The following HP1BP3 variants were observed in gnomAD, a reference collection of about 807,000 sequenced individuals.
The protein encoded by HP1BP3 is heterochromatin protein 1 binding protein 3.
In HP1BP3, 12 loss-of-function variants were observed where a neutral mutation model predicts 62.5. The ratio of observed to expected loss-of-function variants is 0.19; its 90% CI spans 0.12 to 0.31. The LOEUF is 0.31. HP1BP3 is among the 10% of genes least tolerant of loss of function. The pLI is 1.00. For synonymous variants in HP1BP3, 260 were observed against 237.8 expected, an observed-to-expected ratio of 1.09 and a Z score of -0.86; for missense variants, 502 against 651.8, an observed-to-expected ratio of 0.77 and a Z score of 2.50.
chr1:20,768,017 A>G (rs576255923), intron 6 of HP1BP3, among the ~76,000 whole-genome samples: 1 of 125,174 alleles, frequency 8.0e-6, no homozygotes, highest in South Asian at 2.4e-4. Context: ...GAAGGGACAC[A>G]ATCTCTTAGG....
At chr1:20,745,460 A>T in intron 12 of HP1BP3, 83 bp downstream of exon 12, 1 of 1,469,324 alleles carries the variant, frequency 6.8e-7, no homozygotes, top group South Asian at 1.4e-5. Flanking sequence ...AATGCTTTTT[A>T]GCTTTAGCCC....
At chr1:20,762,939 C>T (rs964660795) in intron 8 of HP1BP3, among the ~76,000 whole-genome samples, 1 of 152,120 alleles carries the variant, frequency 6.6e-6, no homozygotes, top group Non-Finnish European at 1.5e-5. Flanking sequence ...ATATGATCCC[C>T]AGTGTTGCAG....
At chr1:20,773,724 G>T in intron 4 of HP1BP3, 114 bp from the exon 5 acceptor site, 2 of 718,070 alleles carry the variant, frequency 2.8e-6, no homozygotes, top group East Asian at 3.1e-5. Flanking sequence ...TTTATTTACA[G>T]GCTAAGATGA....
At chr1:20,763,018 G>A (rs926278961) in intron 8 of HP1BP3, among the ~76,000 whole-genome samples, 1 of 152,134 alleles carries the variant, frequency 6.6e-6, no homozygotes, top group Admixed American at 6.5e-5. Flanking sequence ...CTTCCTGGCC[G>A]TAATGAGCGG....
Position 20,740,346 on chromosome 1 carries a change from T to A in HP1BP3, c.*4451A>T, listed in dbSNP as rs1400323770. Among the ~76,000 whole-genome samples, 1 of 152,248 alleles carries A rather than the reference T, an allele frequency of 6.6e-6. No homozygotes were observed. Among genetic ancestry groups the A allele is most frequent in the Non-Finnish European group, 1.5e-5 (1 of 68,048 alleles). Reference sequence around the variant, plus strand: ...ACAATATCAGGAAAAAAAAGAGTTGTAATTTTTGAGGAAAATCGCTTCAGC... The same window carrying A: ...ACAATATCAGGAAAAAAAAGAGTTGAAATTTTTGAGGAAAATCGCTTCAGC... On this transcript the variant is annotated 3_prime_UTR_variant, in exon 13 of 13. Transcript: ENST00000438032.
intron 4 of HP1BP3, chr1:20,776,071 C>A (rs939233964): frequency 5.3e-6 from 7 of 1,321,474 alleles, no homozygotes; most frequent in African/African-American, 1.5e-5. Flanking sequence ...TATAGATACA[C>A]ATCAATAGCA....
chr1:20,766,461 A>G, intron 7 of HP1BP3, among the ~76,000 whole-genome samples: 2 of 152,366 alleles, frequency 1.3e-5, no homozygotes, highest in South Asian at 4.1e-4. Flanking sequence ...ACAAAAAAAA[A>G]AGGTGTAGAA....
At chr1:20,765,868 G>A (rs2056755291) in intron 7 of HP1BP3, among the ~76,000 whole-genome samples, 1 of 151,856 alleles carries the variant, frequency 6.6e-6, no homozygotes. Flanking sequence ...GGAAGGCTGA[G>A]GCACAAGAAC....
At chr1:20,784,937 C>A (rs987338226) in intron 1 of HP1BP3, among the ~76,000 whole-genome samples, 5 of 152,080 alleles carry the variant, frequency 3.3e-5, no homozygotes, top group Non-Finnish European at 5.9e-5. Flanking sequence ...TAAATTAAAT[C>A]GGTTGTTTAT....
At chr1:20,786,373 G>A (rs2057830547) in intron 1 of HP1BP3, 1 of 152,452 alleles carries the variant, frequency 6.6e-6, no homozygotes, top group Non-Finnish European at 1.5e-5. Flanking sequence ...ACAGCCGACA[G>A]CCCCGCCCGC....
chr1:20,776,548 C>T, intron 4 of HP1BP3, 49 bp downstream of exon 4: 1 of 1,522,074 alleles, frequency 6.6e-7, no homozygotes, highest in Non-Finnish European at 9.0e-7. Flanking sequence ...ATCTAAAGTC[C>T]TTTTACACAT....
chr1:20,757,039 T>C lies in HP1BP3; in HGVS notation c.981+127A>G, dbSNP rs557327578. ...ATGTTAATTTCTAACATAGTAAATGTTGACAGATATAACCCACATAAACAA... is the reference window on the plus strand; with the variant it reads ...ATGTTAATTTCTAACATAGTAAATGCTGACAGATATAACCCACATAAACAA... On this transcript the variant is annotated intron_variant, in intron 9 of 12. Transcript: ENST00000438032. The C allele has an allele frequency of 1.8e-5, 10 of 548,730 alleles. 1 individual carries two copies. The highest frequency in any genetic ancestry group is 5.9e-5 in the South Asian group (2 of 33,806). 34.0% of individuals were successfully genotyped at this position (548,730 alleles called of 1,614,324 possible).
intron 7 of HP1BP3, among the ~76,000 whole-genome samples, chr1:20,766,950 AAAACAAAC>A (rs111382368): frequency 2.0e-5 from 3 of 151,916 alleles, no homozygotes; most frequent in South Asian, 2.1e-4. Flanking sequence ...CTTAGAAAAG[AAAACAAAC>A]AAACAAACAA....
At chr1:20,748,427 A>T (rs1304460675) in intron 10 of HP1BP3, among the ~76,000 whole-genome samples, 2 of 152,218 alleles carry the variant, frequency 1.3e-5, no homozygotes, top group Non-Finnish European at 2.9e-5. Context: ...TTGTTAACCA[A>T]ATTCATCTTC....
At chr1:20,779,289 C>T (rs1483088923) in intron 3 of HP1BP3, among the ~76,000 whole-genome samples, 2 of 152,158 alleles carry the variant, frequency 1.3e-5, no homozygotes, top group East Asian at 1.9e-4. Flanking sequence ...GTTATACATG[C>T]CATAAAGGAG....
chr1:20,746,522 T>C (rs186644192), intron 11 of HP1BP3, among the ~76,000 whole-genome samples: 3 of 152,342 alleles, frequency 2.0e-5, no homozygotes, highest in East Asian at 3.9e-4. Context: ...GTCTTAGTGG[T>C]ATATGTTATG....
intron 9 of HP1BP3, chr1:20,750,133 A>G: frequency 2.0e-6 from 1 of 509,746 alleles, no homozygotes; most frequent in East Asian, 4.6e-5. Context: ...TAGCCAACCT[A>G]ACCCAAAGAT....
intron 9 of HP1BP3, among the ~76,000 whole-genome samples, chr1:20,753,192 C>T (rs1355913131): frequency 1.3e-5 from 2 of 152,120 alleles, no homozygotes; most frequent in Non-Finnish European, 2.9e-5. Context: ...TCGCCCACCT[C>T]GGCCTCCCCA....
In HP1BP3 at chr1:20,743,316, C is replaced by G. The variant is rs994859677; in HGVS notation, c.*1481G>C. ...AACATTTCCTTATAAAAAAGGCAAA[C>G]AAGAAGTGACAACTCATGCTCCAAA... On this transcript the variant is annotated 3_prime_UTR_variant, in exon 13 of 13. Coordinates refer to ENST00000438032, the MANE Select transcript of HP1BP3 (RefSeq NM_001372052.1). 2.6e-5 allele frequency: 4 copies of G among 152,500 alleles called. No homozygotes were observed. The highest frequency in any genetic ancestry group is 4.4e-5 in the Non-Finnish European group (3 of 68,010). The allele number at this position is 152,500 out of a possible 1,614,324, so 9.4% of individuals were successfully genotyped here. A position where few individuals can be genotyped will look rare whatever the true frequency, so the allele number is the denominator to read the frequency against.
Sources: allele counts gnomAD v4.1 joint callset (sites outside exome capture counted in the v4.1 genomes callset), GRCh38; gene constraint gnomAD v4.1.1; transcripts MANE v1.5; gene names NCBI Gene and HGNC (gene_info 2026-07-23, HGNC 2026-07-21).